PRR5L: variants seen among roughly 807,000 people sequenced by gnomAD.
PRR5L encodes proline-rich protein 5-like.
PRR5L carries 21 observed loss-of-function variants against 36.4 expected under a neutral mutation model. The ratio of observed to expected loss-of-function variants is 0.58; its 90% CI spans 0.41 to 0.83. The LOEUF is 0.83. Ranked by LOEUF, PRR5L falls within the 40% of genes least tolerant of loss-of-function variation. The probability of loss-of-function intolerance (pLI) is 0.00; values close to 1 mark genes in which losing one functional copy is unlikely to be tolerated. For synonymous variants in PRR5L, 188 were observed against 197.0 expected (o/e 0.95, Z 0.38); for missense variants, 381 against 473.3 (o/e 0.80, Z 1.81).
In PRR5L at chr11:36,369,743, T is replaced by C. The variant is rs191508092; in HGVS notation, c.-125-31254T>C. On this transcript the variant is annotated intron_variant, in intron 1 of 8. Transcript: ENST00000530639. ...CCGAGTAGCTGGGACTACAGGCTCCTGCCACCATGCCTGGCTAATTGTTTT... is the reference window on the plus strand; with the variant it reads ...CCGAGTAGCTGGGACTACAGGCTCCCGCCACCATGCCTGGCTAATTGTTTT... 3.3e-5 allele frequency among the ~76,000 whole-genome samples: 5 copies of C among 152,244 alleles called. No individual in the cohort carries two copies. In the East Asian group the frequency reaches 9.7e-4, roughly 29 times the overall value.
intron 3 of PRR5L, among the ~76,000 whole-genome samples, chr11:36,404,364 T>C (rs1857866941): frequency 6.6e-6 from 1 of 151,402 alleles, no homozygotes; most frequent in South Asian, 2.1e-4. Flanking sequence ...CTCTGCTTCC[T>C]GGGATCAAGC....
intron 3 of PRR5L, among the ~76,000 whole-genome samples, chr11:36,416,151 T>G (rs911461389): frequency 6.6e-6 from 1 of 152,144 alleles, no homozygotes; most frequent in Non-Finnish European, 1.5e-5. Flanking sequence ...ATATTTATGT[T>G]GATTTCTATA....
chr11:36,384,052 G>A (rs140366217), intron 1 of PRR5L, among the ~76,000 whole-genome samples: 287 of 152,200 alleles, frequency 1.9e-3, no homozygotes, highest in Non-Finnish European at 3.1e-3. Flanking sequence ...AAGAGTAGTA[G>A]GTACTCCCTA....
At chr11:36,315,238 C>A (rs10768207) in intron 1 of PRR5L, among the ~76,000 whole-genome samples, 56,318 of 151,918 alleles carry the variant, frequency 0.37, 10,818 homozygotes, top group East Asian at 0.73. Flanking sequence ...AAATGAGATA[C>A]TGCATGCAAA....
At chr11:36,420,136 C>T (rs1418549940) in intron 4 of PRR5L, among the ~76,000 whole-genome samples, 2 of 152,214 alleles carry the variant, frequency 1.3e-5, no homozygotes, top group South Asian at 2.1e-4. Flanking sequence ...CAAGGAGTCA[C>T]TGACTGGACG....
intron 6 of PRR5L, among the ~76,000 whole-genome samples, chr11:36,443,555 G>T (rs79671244): frequency 6.6e-6 from 1 of 152,158 alleles, no homozygotes; most frequent in Non-Finnish European, 1.5e-5. Context: ...AATAAAACTT[G>T]CTTCACAGGA....
intron 1 of PRR5L, among the ~76,000 whole-genome samples, chr11:36,369,076 A>G (rs1210593595): frequency 6.6e-6 from 1 of 152,118 alleles, no homozygotes; most frequent in East Asian, 1.9e-4. Context: ...GAGGTTTGGG[A>G]ATGAGGAAGG....
At chr11:36,309,321 G>A (rs2133453616) in intron 1 of PRR5L, among the ~76,000 whole-genome samples, 1 of 152,362 alleles carries the variant, frequency 6.6e-6, no homozygotes, top group East Asian at 1.9e-4. Context: ...GTAGAATAAT[G>A]TAGAAGAAAG....
chr11:36,394,811 A>ATTT (rs1857623681), intron 1 of PRR5L, among the ~76,000 whole-genome samples: 1 of 152,140 alleles, frequency 6.6e-6, no homozygotes, highest in Non-Finnish European at 1.5e-5. Context: ...TTTGCCATAT[A>ATTT]AGATAATATT....
chr11:36,462,267 C>T, intron 8 of PRR5L, 75 bp from the exon 9 acceptor site: 2 of 1,405,368 alleles, frequency 1.4e-6, no homozygotes, highest in Non-Finnish European at 1.9e-6. Context: ...GTTCTTTTCC[C>T]CCAGTTGGAT....
chr11:36,325,563 G>A (rs1217515311), intron 1 of PRR5L, among the ~76,000 whole-genome samples: 1 of 152,210 alleles, frequency 6.6e-6, no homozygotes, highest in Non-Finnish European at 1.5e-5. Flanking sequence ...TGTGCTCTCA[G>A]GCAATAGATG....
At chr11:36,435,244 A>G (rs750757517) in intron 5 of PRR5L, among the ~76,000 whole-genome samples, 2 of 152,086 alleles carry the variant, frequency 1.3e-5, no homozygotes, top group Non-Finnish European at 2.9e-5. Flanking sequence ...TTGAAAGAGG[A>G]TGGTGACTGC....
intron 1 of PRR5L, among the ~76,000 whole-genome samples, chr11:36,328,263 A>G (rs762633827): frequency 1.3e-5 from 2 of 152,182 alleles, no homozygotes; most frequent in Admixed American, 6.5e-5. Flanking sequence ...AGTGGGAAAT[A>G]TCAGTTTTGA....
chr11:36,448,225 C>G (rs1408179265), intron 7 of PRR5L, among the ~76,000 whole-genome samples: 1 of 152,182 alleles, frequency 6.6e-6, no homozygotes. Context: ...TCCCCAAAGA[C>G]AGGTGAGACT....
At chr11:36,347,093 T>G (rs1856875288) in intron 1 of PRR5L, among the ~76,000 whole-genome samples, 1 of 152,244 alleles carries the variant, frequency 6.6e-6, no homozygotes, top group Admixed American at 6.5e-5. Flanking sequence ...ATGTGTTTTA[T>G]AAGAATAGGC....
intron 1 of PRR5L, among the ~76,000 whole-genome samples, chr11:36,385,847 T>C (rs564625975): frequency 3.0e-4 from 45 of 152,318 alleles, no homozygotes; most frequent in African/African-American, 1.1e-3. Context: ...AGACTCAGGA[T>C]TGCTCACCCA....
At chr11:36,382,251 A>T (rs1217231376) in intron 1 of PRR5L, among the ~76,000 whole-genome samples, 3 of 152,204 alleles carry the variant, frequency 2.0e-5, no homozygotes, top group Non-Finnish European at 4.4e-5. Context: ...AACGGGCATC[A>T]TGGAGATAAC....
intron 1 of PRR5L, among the ~76,000 whole-genome samples, chr11:36,334,262 C>T (rs1235999388): frequency 1.3e-5 from 2 of 152,218 alleles, no homozygotes. Context: ...AAAATGGATA[C>T]TGAGGGACAA....
At chr11:36,357,967 A>G (rs1469357131) in intron 1 of PRR5L, among the ~76,000 whole-genome samples, 2 of 152,226 alleles carry the variant, frequency 1.3e-5, no homozygotes, top group Non-Finnish European at 1.5e-5. Flanking sequence ...TCTTCTAGAA[A>G]GGATTAACCA....
Sources: gnomAD v4.1 joint callset for allele counts (sites outside exome capture counted in the v4.1 genomes callset) on GRCh38, gnomAD v4.1.1 for gene constraint, MANE v1.5 for transcripts, NCBI Gene and HGNC (gene_info 2026-07-23, HGNC 2026-07-21) for gene names.